The following MYO5C variants were observed in gnomAD, a reference collection of about 807,000 sequenced individuals.
MYO5C encodes myosin VC.
Under a neutral mutation model 235.7 loss-of-function variants are expected in MYO5C, and 194 were observed. The observed-to-expected ratio is 0.82, with a 90% confidence interval of 0.73 to 0.93. The LOEUF (loss-of-function observed/expected upper bound fraction) is 0.93, where lower values mean the gene tolerates loss of function less well. MYO5C is among the 40% of genes least tolerant of loss of function. The pLI, the probability that MYO5C is intolerant of heterozygous loss-of-function variation, is 0.00. For missense variants in MYO5C, 2,038 were observed against 2,127.2 expected (o/e 0.96, Z 0.82); for synonymous variants, 707 against 754.8 (o/e 0.94, Z 1.04).
intron 13 of MYO5C, among the ~76,000 whole-genome samples, chr15:52,249,203 T>G (rs1403520379): frequency 6.6e-6 from 1 of 152,256 alleles, no homozygotes; most frequent in Non-Finnish European, 1.5e-5. Context: ...GTAGAAAGGA[T>G]AGAAAAACCG....
intron 23 of MYO5C, among the ~76,000 whole-genome samples, chr15:52,235,020 G>T (rs2036046534): frequency 3.3e-5 from 5 of 152,148 alleles, no homozygotes. Context: ...CTTTTCTGGG[G>T]TACAACAAGT....
At chr15:52,248,603 C>A in intron 14 of MYO5C, 97 bp downstream of exon 14, 1 of 872,970 alleles carries the variant, frequency 1.1e-6, no homozygotes, top group Non-Finnish European at 1.9e-6. Context: ...CACACACACA[C>A]ACACTCTCTC....
intron 35 of MYO5C, among the ~76,000 whole-genome samples, chr15:52,209,557 T>G (rs1188836019): frequency 6.6e-6 from 1 of 151,988 alleles, no homozygotes; most frequent in African/African-American, 2.4e-5. Flanking sequence ...CACAGAGAAG[T>G]TGAGACTGAA....
chr15:52,224,223 C>T (rs915076269), intron 28 of MYO5C, among the ~76,000 whole-genome samples: 1 of 152,174 alleles, frequency 6.6e-6, no homozygotes, highest in Non-Finnish European at 1.5e-5. Context: ...GTGGAGGTTG[C>T]GGTGAGCCAA....
At chr15:52,272,487 C>G (rs1566989457) in intron 6 of MYO5C, 93 bp downstream of exon 6, 2 of 1,259,008 alleles carry the variant, frequency 1.6e-6, no homozygotes, top group Non-Finnish European at 2.2e-6. Context: ...CTCTTCAACT[C>G]ACAGCATAGT....
At position 52,257,279 on chromosome 15, in the gene MYO5C, C is replaced by A. The variant is rs541608788; in HGVS notation, c.1314-559G>T. Among the ~76,000 whole-genome samples, 3 of 152,282 alleles carry A rather than the reference C, an allele frequency of 2.0e-5. No individual in the cohort carries two copies. The South Asian group carries it at 6.2e-4, about 32-fold the overall frequency. On this transcript the variant is annotated intron_variant, in intron 10 of 40. Transcript: ENST00000261839. ...GCAAAGTCATTTCATATCCTACAGC[C>A]CAGCACACCCCATCAGGGACGAGAC...
At chr15:52,280,866 A>C (rs150664322) in intron 2 of MYO5C, among the ~76,000 whole-genome samples, 11 of 152,284 alleles carry the variant, frequency 7.2e-5, no homozygotes, top group Admixed American at 4.6e-4. Flanking sequence ...GTGCTCTCTC[A>C]CTAGCACAGT....
At chr15:52,225,196 A>G in intron 26 of MYO5C, 58 bp from the exon 27 acceptor site, 1 of 1,587,086 alleles carries the variant, frequency 6.3e-7, no homozygotes, top group Non-Finnish European at 8.6e-7. Flanking sequence ...ATCTTTTCCC[A>G]TTCCCTTTCC....
In MYO5C at chr15:52,281,984, T is replaced by C. The variant is rs139631775; in HGVS notation, c.138+798A>G. 3.5e-3 allele frequency among the ~76,000 whole-genome samples: 535 copies of C among 152,328 alleles called. 6 individuals carry two copies. Among genetic ancestry groups the C allele is most frequent in the African/African-American group, 0.013 (525 of 41,568 alleles). On this transcript the variant is annotated intron_variant, in intron 2 of 40. Coordinates refer to ENST00000261839, the MANE Select transcript of MYO5C (RefSeq NM_018728.4). Reference sequence around the variant, plus strand: ...AACCCGTCCAGTCACCCTAGGCTACTAATCCAGTGGGATGTCACTACAGCA... The same window carrying C: ...AACCCGTCCAGTCACCCTAGGCTACCAATCCAGTGGGATGTCACTACAGCA...
At chr15:52,202,845 G>T (rs926798899) in intron 38 of MYO5C, among the ~76,000 whole-genome samples, 1 of 151,802 alleles carries the variant, frequency 6.6e-6, no homozygotes, top group African/African-American at 2.4e-5. Flanking sequence ...TGTATTTTTT[G>T]ACTTAAGATA....
At chr15:52,273,188 T>C (rs560338521) in intron 5 of MYO5C, among the ~76,000 whole-genome samples, 6 of 152,118 alleles carry the variant, frequency 3.9e-5, no homozygotes, top group African/African-American at 9.6e-5. Context: ...ACAGGCATGG[T>C]GGTGTGTGCC....
In MYO5C at chr15:52,219,808, A is replaced by G. The variant is rs754076739; in HGVS notation, c.3736T>C (p.Leu1246=). ...AEKMKGKLEE[L]SNQLHRSQEE... The stretch of plus-strand genomic sequence containing the variant: ...TGACTGCGATGTAACTGATTAGACA[A>G]TTCTTCTAGTTTTCCTATAATGAGA... The change falls in exon 31 of 41, where the codon TTG becomes CTG. Residue 1246 remains leucine (L), a synonymous_variant. Coordinates refer to ENST00000261839, the MANE Select transcript of MYO5C (RefSeq NM_018728.4). 1.2e-6 allele frequency: 2 copies of G among 1,611,776 alleles called. No homozygotes were observed. The highest frequency in any genetic ancestry group is 1.7e-5 in the Admixed American group (1 of 59,936).
In MYO5C at chr15:52,192,871, A is replaced by C. The variant is rs2034962593; in HGVS notation, c.*1031T>G. 6.7e-6 allele frequency: 1 copy of C among 149,744 alleles called. No homozygotes were observed. Among genetic ancestry groups the C allele is most frequent in the Admixed American group, 6.7e-5 (1 of 14,912 alleles). The allele number at this position is 149,744 out of a possible 1,614,324, so 9.3% of individuals were successfully genotyped here. A position where few individuals can be genotyped will look rare whatever the true frequency, so the allele number is the denominator to read the frequency against. On this transcript the variant is annotated 3_prime_UTR_variant, in exon 41 of 41. Coordinates refer to ENST00000261839, the MANE Select transcript of MYO5C (RefSeq NM_018728.4). ...ATGAAAGGTATTAAAAAATAAAAAA[A>C]TTATGGTGAATATGTTGGCAGGTAA...
At chr15:52,284,918 G>A (rs1235296513) in intron 1 of MYO5C, among the ~76,000 whole-genome samples, 1 of 151,306 alleles carries the variant, frequency 6.6e-6, no homozygotes, top group Admixed American at 6.6e-5. Flanking sequence ...CAGCTCACTG[G>A]AGCCTCGAAC....
At chr15:52,228,464 A>G (rs948743778) in intron 25 of MYO5C, among the ~76,000 whole-genome samples, 2 of 152,186 alleles carry the variant, frequency 1.3e-5, no homozygotes, top group African/African-American at 4.8e-5. Context: ...TTTATATATC[A>G]TTATGCAGTT....
chr15:52,291,349 A>G (rs1435091724), intron 1 of MYO5C, among the ~76,000 whole-genome samples: 4 of 151,682 alleles, frequency 2.6e-5, no homozygotes, highest in Non-Finnish European at 5.9e-5. Flanking sequence ...TGTCCTACCC[A>G]CCCTTCCTGC....
chr15:52,239,391 G>A (rs577776653), intron 21 of MYO5C, among the ~76,000 whole-genome samples: 7 of 152,220 alleles, frequency 4.6e-5, no homozygotes, highest in East Asian at 1.9e-4. Flanking sequence ...AAGGCAGCAC[G>A]CTTGGCATGC....
chr15:52,265,198 C>A (rs1043562807), intron 8 of MYO5C: 1 of 152,288 alleles, frequency 6.6e-6, no homozygotes, highest in African/African-American at 2.4e-5. Flanking sequence ...TATTCAGTCA[C>A]CGTGAGGGGA....
At chr15:52,222,156 T>C (rs773479438) in intron 29 of MYO5C, among the ~76,000 whole-genome samples, 1 of 152,200 alleles carries the variant, frequency 6.6e-6, no homozygotes, top group Non-Finnish European at 1.5e-5. Flanking sequence ...ATTATATGCA[T>C]TTTCAACTTA....
Sources: allele counts gnomAD v4.1 joint callset (sites outside exome capture counted in the v4.1 genomes callset), GRCh38; gene constraint gnomAD v4.1.1; transcripts MANE v1.5; gene names NCBI Gene and HGNC (gene_info 2026-07-23, HGNC 2026-07-21).